Variants in GGH observed in about 807,000 individuals in gnomAD.
GGH encodes the protein gamma-glutamyl hydrolase, also known as gamma-Glu-X carboxypeptidase.
Under a neutral mutation model 39.2 loss-of-function variants are expected in GGH, and 18 were observed. The ratio of observed to expected loss-of-function variants is 0.46; its 90% confidence interval spans 0.32 to 0.68. The LOEUF is 0.68. Among genes scored for constraint, GGH ranks in the 30% least tolerant of loss-of-function variants. GGH has a pLI of 0.04. For missense variants in GGH, 367 were observed against 384.1 expected, an observed-to-expected ratio of 0.96 and a Z score of 0.37; for synonymous variants, 147 against 138.8, an observed-to-expected ratio of 1.06 and a Z score of -0.42.
chr8:63,025,724 C>T (rs571575905), intron 5 of GGH, among the ~76,000 whole-genome samples: 4 of 151,848 alleles, frequency 2.6e-5, no homozygotes, highest in Admixed American at 2.6e-4. Context: ...GAGAGAGACT[C>T]TGTCTTAAAA....
At chr8:63,019,093 T>C (rs1317159236) in intron 7 of GGH, among the ~76,000 whole-genome samples, 1 of 152,180 alleles carries the variant, frequency 6.6e-6, no homozygotes, top group Non-Finnish European at 1.5e-5. Context: ...GTAAAACCGC[T>C]GATGCTTTAC....
chr8:63,016,015 G>T (rs1218804900), intron 8 of GGH, among the ~76,000 whole-genome samples: 3 of 152,186 alleles, frequency 2.0e-5, no homozygotes, highest in Admixed American at 2.0e-4. Context: ...GTGAAGCTGA[G>T]GCAGACAGAG....
At chr8:63,022,241 AT>A (rs1042238166) in intron 7 of GGH, among the ~76,000 whole-genome samples, 2 of 151,914 alleles carry the variant, frequency 1.3e-5, no homozygotes, top group Non-Finnish European at 2.9e-5. Context: ...CTAAAACCTT[AT>A]TGTAGTGTGC....
intron 3 of GGH, chr8:63,028,128 A>G (rs555274082): frequency 6.6e-6 from 1 of 152,192 alleles, no homozygotes; most frequent in African/African-American, 2.4e-5. Flanking sequence ...TTCTTCCATG[A>G]GCTAGACTCG....
intron 8 of GGH, chr8:63,017,228 C>G: frequency 6.2e-6 from 2 of 320,366 alleles, no homozygotes; most frequent in Non-Finnish European, 1.1e-5. Context: ...AAAAAAAAAA[C>G]TCTCAACATT....
intron 8 of GGH, 146 bp downstream of exon 8, chr8:63,017,347 T>C (rs1462714420): frequency 7.4e-6 from 4 of 542,634 alleles, no homozygotes; most frequent in Admixed American, 3.6e-5. Context: ...GGCTTTCACA[T>C]TATTTAACAT....
chr8:63,029,225 T>C (rs1330077383), intron 3 of GGH, among the ~76,000 whole-genome samples: 5 of 152,330 alleles, frequency 3.3e-5, no homozygotes, highest in Admixed American at 3.3e-4. Context: ...GGTAGAAATA[T>C]GCATATCTCT....
chr8:63,027,485 A>G (rs574438346), intron 3 of GGH, among the ~76,000 whole-genome samples: 1 of 152,358 alleles, frequency 6.6e-6, no homozygotes, highest in Non-Finnish European at 1.5e-5. Flanking sequence ...CATATTTTCC[A>G]AAAACTTCTT....
intron 4 of GGH, 96 bp from the exon 5 acceptor site, chr8:63,026,392 T>A (rs552399826): frequency 1.2e-6 from 1 of 854,762 alleles, no homozygotes; most frequent in African/African-American, 1.7e-5. Flanking sequence ...GCACCTGAGT[T>A]ACACATGGAT....
At chr8:63,019,071 G>A (rs1488719238) in intron 7 of GGH, among the ~76,000 whole-genome samples, 1 of 152,168 alleles carries the variant, frequency 6.6e-6, no homozygotes, top group Admixed American at 6.5e-5. Context: ...GTGAAGCTTG[G>A]ATGGAAGAAT....
intron 3 of GGH, 51 bp from the exon 4 acceptor site, chr8:63,027,316 C>G: frequency 1.2e-6 from 1 of 839,516 alleles, no homozygotes; most frequent in Middle Eastern, 2.2e-4. Flanking sequence ...CACCCCCGAC[C>G]CATACACACA....
intron 5 of GGH, 43 bp downstream of exon 5, chr8:63,026,115 G>A (rs2129655635): frequency 6.7e-7 from 1 of 1,484,298 alleles, no homozygotes; most frequent in Non-Finnish European, 9.0e-7. Flanking sequence ...TACTAATCCT[G>A]CCCAGCAAAT....
In GGH at chr8:63,015,239, T is replaced by C; in HGVS notation, c.*93A>G. On this transcript the variant is annotated 3_prime_UTR_variant, in exon 9 of 9. Transcript: ENST00000260118. ...GCCAGGCACATTATAGAAAAGAATC[T>C]GTGACTTCCTAATCTTGCCATGAGT... The C allele has an allele frequency of 3.1e-6, 2 of 636,414 alleles. No individual in the cohort carries two copies. Among genetic ancestry groups the C allele is most frequent in the South Asian group, 4.3e-5 (2 of 46,464 alleles). 39.4% of individuals were successfully genotyped at this position (636,414 alleles called of 1,614,324 possible).
intron 7 of GGH, among the ~76,000 whole-genome samples, chr8:63,021,669 CTTTTTTTTTTTTTT>C (rs752057959): frequency 2.1e-5 from 2 of 93,312 alleles, no homozygotes; most frequent in Non-Finnish European, 3.9e-5. Context: ...ATCTCATATC[CTTTTTTTTTTTTTT>C]TTTTTTTTTG....
At chr8:63,031,933 G>A (rs572420858) in intron 2 of GGH, among the ~76,000 whole-genome samples, 1 of 152,216 alleles carries the variant, frequency 6.6e-6, no homozygotes, top group Non-Finnish European at 1.5e-5. Context: ...AGGATGGTAA[G>A]GCATTGTTGC....
At chr8:63,036,695 A>G (rs919275910) in intron 1 of GGH, among the ~76,000 whole-genome samples, 2 of 152,200 alleles carry the variant, frequency 1.3e-5, no homozygotes, top group African/African-American at 4.8e-5. Context: ...CCACATTCAT[A>G]TATCTGGGAA....
intron 7 of GGH, among the ~76,000 whole-genome samples, chr8:63,018,412 G>T (rs964015753): frequency 6.6e-6 from 1 of 152,134 alleles, no homozygotes; most frequent in African/African-American, 2.4e-5. Context: ...CTTTGGAATT[G>T]TAACCATGAC....
intron 2 of GGH, among the ~76,000 whole-genome samples, chr8:63,030,885 C>CG (rs1374677251): frequency 6.6e-6 from 1 of 151,894 alleles, no homozygotes; most frequent in Non-Finnish European, 1.5e-5. Context: ...TCCCTTTCTC[C>CG]AGAAAAAAAA....
chr8:63,037,532 T>C (rs143481027), intron 1 of GGH, among the ~76,000 whole-genome samples: 28 of 152,314 alleles, frequency 1.8e-4, no homozygotes, highest in Non-Finnish European at 3.2e-4. Flanking sequence ...CTCACAACTT[T>C]TGTGGCTTGT....
Sources: gnomAD v4.1 joint callset for allele counts (sites outside exome capture counted in the v4.1 genomes callset) on GRCh38, gnomAD v4.1.1 for gene constraint, MANE v1.5 for transcripts, NCBI Gene and HGNC (gene_info 2026-07-23, HGNC 2026-07-21) for gene names.